Variants in PARM1 observed in about 807,000 individuals in gnomAD.
PARM1 encodes the protein prostate androgen-regulated mucin-like protein 1, also known as WSC4, cell wall integrity and stress response component 4 homolog.
Under a neutral mutation model 24.6 loss-of-function variants are expected in PARM1, and 14 were observed. That is an observed-to-expected ratio of 0.57 (90% CI 0.38 to 0.89). The LOEUF (loss-of-function observed/expected upper bound fraction) is 0.89, where lower values mean the gene tolerates loss of function less well. Ranked by LOEUF, PARM1 falls within the 40% of genes least tolerant of loss-of-function variation. PARM1 has a pLI of 0.00. For missense variants in PARM1, 362 were observed against 380.4 expected (o/e 0.95, Z 0.40); for synonymous variants, 179 against 156.6 (o/e 1.14, Z -1.07).
At chr4:74,992,110 T>C (rs903443167) in intron 1 of PARM1, among the ~76,000 whole-genome samples, 2 of 152,094 alleles carry the variant, frequency 1.3e-5, no homozygotes, top group African/African-American at 4.8e-5. Context: ...ATGTGGAGTT[T>C]CCATTCCCTC....
chr4:74,961,850 A>G (rs1721781354), intron 1 of PARM1, among the ~76,000 whole-genome samples: 1 of 152,190 alleles, frequency 6.6e-6, no homozygotes, highest in Non-Finnish European at 1.5e-5. Flanking sequence ...AAAGAACACT[A>G]AGCAGTAATT....
intron 1 of PARM1, among the ~76,000 whole-genome samples, chr4:74,978,795 A>G (rs892520798): frequency 1.3e-5 from 2 of 152,174 alleles, no homozygotes; most frequent in East Asian, 3.9e-4. Context: ...AGAACTCAAG[A>G]TTAAGAAACT....
intron 3 of PARM1, among the ~76,000 whole-genome samples, chr4:75,036,482 T>A (rs149020663): frequency 2.0e-5 from 3 of 152,264 alleles, no homozygotes; most frequent in African/African-American, 7.2e-5. Flanking sequence ...GTTTCTACCT[T>A]GTAGTGTTGT....
chr4:74,960,577 T>C (rs2109988951), intron 1 of PARM1, among the ~76,000 whole-genome samples: 1 of 152,224 alleles, frequency 6.6e-6, no homozygotes, highest in South Asian at 2.1e-4. Flanking sequence ...CACTATATTA[T>C]TATATTCAAA....
chr4:74,952,210 A>G (rs183388135), intron 1 of PARM1, among the ~76,000 whole-genome samples: 4 of 152,108 alleles, frequency 2.6e-5, no homozygotes, highest in African/African-American at 4.8e-5. Flanking sequence ...TTTTTTTCAT[A>G]TATTTGTTGG....
intron 1 of PARM1, among the ~76,000 whole-genome samples, chr4:75,006,843 G>A (rs1210885935): frequency 2.0e-5 from 3 of 152,158 alleles, no homozygotes; most frequent in African/African-American, 4.8e-5. Flanking sequence ...AACACCAAAA[G>A]CAATGGCAAC....
intron 1 of PARM1, among the ~76,000 whole-genome samples, chr4:74,999,591 G>A (rs181661730): frequency 2.3e-4 from 35 of 152,246 alleles, no homozygotes; most frequent in Non-Finnish European, 4.1e-4. Context: ...TTAGATACCT[G>A]GGTTCCTTGC....
intron 2 of PARM1, among the ~76,000 whole-genome samples, chr4:75,032,314 T>C (rs1378127349): frequency 6.6e-6 from 1 of 152,158 alleles, no homozygotes; most frequent in Non-Finnish European, 1.5e-5. Context: ...ATCATGGATG[T>C]TTGATGTAGC....
intron 1 of PARM1, chr4:74,965,084 A>C (rs138648543): frequency 1.3e-5 from 2 of 152,224 alleles, no homozygotes; most frequent in African/African-American, 4.8e-5. Context: ...TCCACCCCCT[A>C]GATTCCAGGA....
rs895513626 is a variant in PARM1 at position 75,039,303 on chromosome 4, G to A, written c.848+5342G>A. On this transcript the variant is annotated intron_variant, in intron 3 of 3. Transcript: ENST00000307428. ...TCCCAGCAATTTGGGAGGCTGAGGCGGGCAGATCATGAGGTCAGGAGATCG... is the reference window on the plus strand; with the variant it reads ...TCCCAGCAATTTGGGAGGCTGAGGCAGGCAGATCATGAGGTCAGGAGATCG... Among the ~76,000 whole-genome samples, 30 of 152,142 alleles carry A rather than the reference G, an allele frequency of 2.0e-4. 1 individual carries two copies. The highest frequency in any genetic ancestry group is 1.6e-3 in the Admixed American group (24 of 15,280).
intron 1 of PARM1, among the ~76,000 whole-genome samples, chr4:74,971,758 T>A (rs1722042323): frequency 6.6e-6 from 1 of 152,054 alleles, no homozygotes; most frequent in Non-Finnish European, 1.5e-5. Flanking sequence ...ACTAGTGGGG[T>A]TAATGAGGAG....
At chr4:75,025,319 G>C (rs183679166) in intron 2 of PARM1, among the ~76,000 whole-genome samples, 44 of 152,292 alleles carry the variant, frequency 2.9e-4, no homozygotes, top group Non-Finnish European at 4.9e-4. Context: ...CACTTAGCTG[G>C]AGTTGCTATG....
intron 3 of PARM1, among the ~76,000 whole-genome samples, chr4:75,040,984 TG>T (rs1723471909): frequency 1.3e-5 from 2 of 152,268 alleles, no homozygotes; most frequent in African/African-American, 4.8e-5. Flanking sequence ...CACCTCCTAC[TG>T]GGAACTCCTC....
At chr4:75,017,382 C>T (rs1723008909) in intron 2 of PARM1, among the ~76,000 whole-genome samples, 1 of 152,182 alleles carries the variant, frequency 6.6e-6, no homozygotes, top group African/African-American at 2.4e-5. Flanking sequence ...AGTCTTACTG[C>T]TTCTTGAACA....
At chr4:74,989,401 C>T (rs1014717782) in intron 1 of PARM1, among the ~76,000 whole-genome samples, 2 of 152,158 alleles carry the variant, frequency 1.3e-5, no homozygotes, top group Non-Finnish European at 2.9e-5. Flanking sequence ...AAAACACTTA[C>T]ATTTACCAGC....
intron 1 of PARM1, among the ~76,000 whole-genome samples, chr4:74,970,798 A>T (rs1202550919): frequency 6.6e-6 from 1 of 152,208 alleles, no homozygotes; most frequent in Non-Finnish European, 1.5e-5. Context: ...TCTCTGACTA[A>T]TTTAGCTCTG....
chr4:74,959,237 T>C (rs1018755638), intron 1 of PARM1, among the ~76,000 whole-genome samples: 1 of 152,214 alleles, frequency 6.6e-6, no homozygotes, highest in Non-Finnish European at 1.5e-5. Flanking sequence ...TGTTAGAAAT[T>C]GATATAAAGC....
intron 1 of PARM1, among the ~76,000 whole-genome samples, chr4:74,978,349 A>G (rs1484296490): frequency 6.6e-6 from 1 of 152,210 alleles, no homozygotes; most frequent in African/African-American, 2.4e-5. Context: ...TTAAACCAAC[A>G]AAGATAAAAA....
At chr4:74,990,998 A>T (rs933311960) in intron 1 of PARM1, among the ~76,000 whole-genome samples, 1 of 152,154 alleles carries the variant, frequency 6.6e-6, no homozygotes, top group Non-Finnish European at 1.5e-5. Context: ...AAGGAAACAG[A>T]CTTCACAGCC....
Sources: gnomAD v4.1 joint callset for allele counts (sites outside exome capture counted in the v4.1 genomes callset) on GRCh38, gnomAD v4.1.1 for gene constraint, MANE v1.5 for transcripts, NCBI Gene and HGNC (gene_info 2026-07-23, HGNC 2026-07-21) for gene names.